Variants in RHOBTB3 observed in about 807,000 individuals in gnomAD.
RHOBTB3 encodes the protein Rho related BTB domain containing 3.
A neutral mutation model predicts 67.2 loss-of-function variants in RHOBTB3; 47 were observed. The observed-to-expected ratio is 0.70, with a 90% CI of 0.55 to 0.89. The LOEUF (loss-of-function observed/expected upper bound fraction) is 0.89, where lower values mean the gene tolerates loss of function less well. RHOBTB3 is among the 40% of genes least tolerant of loss of function. The pLI is 0.00. For missense variants in RHOBTB3, 631 were observed against 750.0 expected (o/e 0.84, Z 1.85); for synonymous variants, 273 against 274.2 (o/e 1.00, Z 0.04).
Position 95,771,760 on chromosome 5 carries a change from G to A in RHOBTB3, c.1282+3594G>A, listed in dbSNP as rs557944015. ...TACAGAATTCTCTCATTAGCTTCTA[G>A]GAGAAAACTGTCTGTTGATGAAGAC... On this transcript the variant is annotated intron_variant, in intron 8 of 11. Coordinates refer to ENST00000379982, the MANE Select transcript of RHOBTB3 (RefSeq NM_014899.4). Among the ~76,000 whole-genome samples the A allele has an allele frequency of 2.6e-5, 4 of 152,252 alleles. No homozygotes were observed. The South Asian group carries it at 8.3e-4, about 32-fold the overall frequency.
intron 8 of RHOBTB3, chr5:95,769,332 G>A (rs535306580): frequency 4.2e-6 from 2 of 472,648 alleles, no homozygotes; most frequent in East Asian, 5.9e-5. Context: ...AGAGGCTGGG[G>A]ATGGCACCAC....
chr5:95,788,390 G>A (rs149899713), intron 10 of RHOBTB3, among the ~76,000 whole-genome samples: 18 of 152,192 alleles, frequency 1.2e-4, no homozygotes, highest in African/African-American at 4.3e-4. Context: ...TTTTAACATT[G>A]CTCACCATCA....
intron 6 of RHOBTB3, among the ~76,000 whole-genome samples, chr5:95,757,215 C>T (rs931647885): frequency 4.6e-5 from 7 of 152,028 alleles, no homozygotes; most frequent in African/African-American, 1.7e-4. Context: ...GATGGAAGTT[C>T]TATCTGAGTC....
At position 95,739,862 on chromosome 5, in the gene RHOBTB3, C is replaced by A. The variant is rs145163748; in HGVS notation, c.415+2787C>A. 9.4e-4 allele frequency among the ~76,000 whole-genome samples: 143 copies of A among 152,310 alleles called. No individual in the cohort carries two copies. In the East Asian group the frequency reaches 0.026, roughly 28 times the overall value. The stretch of plus-strand genomic sequence containing the variant: ...ACCTGGCAACAGATCTTTTTAACAG[C>A]CTGATACTTCTTCAACTTTTCTTAT... On this transcript the variant is annotated intron_variant, in intron 3 of 11. Coordinates refer to ENST00000379982, the MANE Select transcript of RHOBTB3 (RefSeq NM_014899.4).
chr5:95,767,166 G>A (rs944524970), intron 7 of RHOBTB3, among the ~76,000 whole-genome samples: 5 of 151,894 alleles, frequency 3.3e-5, no homozygotes, highest in African/African-American at 7.3e-5. Context: ...AGCCAATATC[G>A]CACCATTGCA....
intron 7 of RHOBTB3, among the ~76,000 whole-genome samples, chr5:95,764,106 G>A (rs972849271): frequency 6.6e-6 from 1 of 151,950 alleles, no homozygotes; most frequent in Admixed American, 6.5e-5. Flanking sequence ...CACCACACTC[G>A]GCCCTATCTT....
intron 4 of RHOBTB3, among the ~76,000 whole-genome samples, chr5:95,749,299 T>C (rs1314917084): frequency 6.6e-6 from 1 of 152,262 alleles, no homozygotes; most frequent in East Asian, 1.9e-4. Flanking sequence ...CTTCACCAAG[T>C]ACTCTTTCCA....
chr5:95,721,894 T>A (rs939079146), intron 1 of RHOBTB3, among the ~76,000 whole-genome samples: 1 of 152,178 alleles, frequency 6.6e-6, no homozygotes, highest in African/African-American at 2.4e-5. Context: ...GCCAACCTAA[T>A]ATATAATGGC....
chr5:95,764,096 C>A, intron 7 of RHOBTB3, among the ~76,000 whole-genome samples: 1 of 152,176 alleles, frequency 6.6e-6, no homozygotes, highest in Non-Finnish European at 1.5e-5. Context: ...AGGCATGAGC[C>A]ACCACACTCG....
chr5:95,763,807 T>C, intron 7 of RHOBTB3, among the ~76,000 whole-genome samples, 187 bp downstream of exon 7: 1 of 151,550 alleles, frequency 6.6e-6, no homozygotes. Flanking sequence ...TTAGATTGTG[T>C]GTGTGTGTGT....
At chr5:95,745,074 A>T (rs1163905453) in intron 3 of RHOBTB3, among the ~76,000 whole-genome samples, 1 of 152,012 alleles carries the variant, frequency 6.6e-6, no homozygotes, top group Non-Finnish European at 1.5e-5. Flanking sequence ...CCCTGTCTCA[A>T]AATAAATAAA....
intron 3 of RHOBTB3, among the ~76,000 whole-genome samples, chr5:95,744,429 G>A (rs569981617): frequency 6.6e-6 from 1 of 152,068 alleles, no homozygotes; most frequent in African/African-American, 2.4e-5. Context: ...TTGCAGTCAT[G>A]TCTATCTTCT....
rs183463143 is a variant in RHOBTB3, at chr5:95,753,929, G to A, written c.683-1467G>A. ...GTTCGAGACCAGTCTGGCCAACATG[G>A]TGAAACCCCGTTTCTACTAAAAATA... On this transcript the variant is annotated intron_variant, in intron 5 of 11. Transcript: ENST00000379982. Among the ~76,000 whole-genome samples the A allele has an allele frequency of 2.4e-3, 362 of 152,176 alleles. 3 individuals carry two copies. The highest frequency in any genetic ancestry group is 6.9e-3 in the Admixed American group (106 of 15,286).
intron 2 of RHOBTB3, chr5:95,732,615 T>C (rs1480350788): frequency 6.3e-6 from 1 of 158,828 alleles, no homozygotes; most frequent in Admixed American, 6.4e-5. Context: ...AATTGATCTC[T>C]GAAAACTTAA....
chr5:95,727,521 G>A (rs910131362), upstream of RHOBTB3, among the ~76,000 whole-genome samples: 2 of 152,138 alleles, frequency 1.3e-5, no homozygotes, highest in Non-Finnish European at 1.5e-5. Context: ...ATGAAATGGT[G>A]GCATTTCAGC....
chr5:95,723,036 T>TAGAC (rs1265743762), intron 1 of RHOBTB3, among the ~76,000 whole-genome samples: 2 of 152,024 alleles, frequency 1.3e-5, no homozygotes, highest in African/African-American at 4.8e-5. Context: ...GAAACAAACA[T>TAGAC]AGACATTTTC....
At chr5:95,784,595 A>G (rs1485828665) in intron 10 of RHOBTB3, among the ~76,000 whole-genome samples, 1 of 152,084 alleles carries the variant, frequency 6.6e-6, no homozygotes, top group Admixed American at 6.6e-5. Flanking sequence ...CTGATTTTAG[A>G]GAACGGGGGT....
chr5:95,734,797 T>C (rs960221434), intron 2 of RHOBTB3, among the ~76,000 whole-genome samples: 2 of 152,230 alleles, frequency 1.3e-5, no homozygotes, highest in African/African-American at 4.8e-5. Context: ...GGATTACAAA[T>C]TAAGTATTTA....
upstream of RHOBTB3, among the ~76,000 whole-genome samples, chr5:95,730,411 G>C (rs1755187206): frequency 6.6e-6 from 1 of 152,222 alleles, no homozygotes; most frequent in South Asian, 2.1e-4. Flanking sequence ...GGCCCATTTT[G>C]GTGTTAGTAA....
Sources: gnomAD v4.1 joint callset for allele counts (sites outside exome capture counted in the v4.1 genomes callset) on GRCh38, gnomAD v4.1.1 for gene constraint, MANE v1.5 for transcripts, NCBI Gene and HGNC (gene_info 2026-07-23, HGNC 2026-07-21) for gene names.